DLG2: variants seen among roughly 807,000 people sequenced by gnomAD.
DLG2 encodes discs large MAGUK scaffold protein 2.
A neutral mutation model predicts 132.5 loss-of-function variants in DLG2; 45 were observed. The ratio of observed to expected loss-of-function variants is 0.34; its 90% confidence interval spans 0.27 to 0.44. The LOEUF (loss-of-function observed/expected upper bound fraction) is 0.44. DLG2 is among the 20% of genes least tolerant of loss of function. The pLI, the probability that DLG2 is intolerant of heterozygous loss-of-function variation, is 1.00. For missense variants in DLG2, 1,045 were observed against 1,196.9 expected (o/e 0.87, Z 1.87); for synonymous variants, 424 against 419.6 (o/e 1.01, Z -0.13).
At chr11:85,401,839 G>C (rs1205670774) in intron 3 of DLG2, among the ~76,000 whole-genome samples, 2 of 152,090 alleles carry the variant, frequency 1.3e-5, no homozygotes, top group East Asian at 3.9e-4. Context: ...TGAAATAAAA[G>C]AGGACACAAA....
intron 3 of DLG2, among the ~76,000 whole-genome samples, chr11:85,567,793 T>G (rs909192426): frequency 1.3e-5 from 2 of 152,088 alleles, no homozygotes; most frequent in Non-Finnish European, 2.9e-5. Flanking sequence ...GCTGAGGAAG[T>G]ATCTTTTTAG....
At chr11:83,471,803 T>C in intron 23 of DLG2, 76 bp from the exon 24 acceptor site, 3 of 1,188,114 alleles carry the variant, frequency 2.5e-6, no homozygotes, top group Non-Finnish European at 3.7e-6. Context: ...GCAAGGGTGA[T>C]TCTTAATTGC....
At chr11:85,590,100 T>C (rs537936970) in intron 3 of DLG2, among the ~76,000 whole-genome samples, 51 of 152,316 alleles carry the variant, frequency 3.3e-4, no homozygotes, top group African/African-American at 1.2e-3. Flanking sequence ...TAGTAGACAA[T>C]GAGCTCCATG....
At chr11:85,282,146 C>G (rs1308141280) in intron 4 of DLG2, among the ~76,000 whole-genome samples, 1 of 151,380 alleles carries the variant, frequency 6.6e-6, no homozygotes, top group African/African-American at 2.4e-5. Context: ...TATATGGAAG[C>G]TAAAAAAAAT....
At chr11:84,156,088 A>G (rs2095422764) in intron 9 of DLG2, among the ~76,000 whole-genome samples, 1 of 152,182 alleles carries the variant, frequency 6.6e-6, no homozygotes, top group African/African-American at 2.4e-5. Flanking sequence ...CGATAGAAGA[A>G]TATATGTGGT....
chr11:85,009,601 CT>C (rs1159843049), intron 6 of DLG2, among the ~76,000 whole-genome samples: 9 of 152,098 alleles, frequency 5.9e-5, no homozygotes, highest in East Asian at 5.8e-4. Flanking sequence ...AATGTAGAAA[CT>C]TTTTTTCTGT....
rs2093620568 is a variant in DLG2, at chr11:84,116,091, G to C, written c.625-17044C>G. Among the ~76,000 whole-genome samples, 5 of 152,178 alleles carry C rather than the reference G, an allele frequency of 3.3e-5. No individual in the cohort carries two copies. The South Asian group carries it at 1.0e-3, about 32-fold the overall frequency. Reference sequence around the variant, plus strand: ...ATATGTCCACCAAATTCGTGTGTTGGAAACTTAATCCGCAGTGCAAGAGCA... The same window carrying C: ...ATATGTCCACCAAATTCGTGTGTTGCAAACTTAATCCGCAGTGCAAGAGCA... On this transcript the variant is annotated intron_variant, in intron 9 of 27. Coordinates refer to ENST00000376104, the MANE Select transcript of DLG2 (RefSeq NM_001142699.3).
At chr11:85,287,831 A>G (rs1463563365) in intron 3 of DLG2, among the ~76,000 whole-genome samples, 1 of 152,154 alleles carries the variant, frequency 6.6e-6, no homozygotes, top group Admixed American at 6.6e-5. Flanking sequence ...ATATCATGAA[A>G]CTATATATCT....
chr11:84,629,528 T>C (rs1454203909), intron 6 of DLG2, among the ~76,000 whole-genome samples: 7 of 152,204 alleles, frequency 4.6e-5, no homozygotes, highest in African/African-American at 1.7e-4. Context: ...CAGAAATGCC[T>C]AGGAAATGTT....
At chr11:83,843,559 G>C (rs571566610) in intron 16 of DLG2, among the ~76,000 whole-genome samples, 2 of 152,210 alleles carry the variant, frequency 1.3e-5, no homozygotes, top group Admixed American at 1.3e-4. Context: ...TTTTGGAAGC[G>C]GGTACAGGCT....
intron 6 of DLG2, 32 bp from the exon 7 acceptor site, chr11:84,534,763 T>C (rs774003284): frequency 2.1e-5 from 33 of 1,607,262 alleles, no homozygotes; most frequent in Non-Finnish European, 2.7e-5. Flanking sequence ...GACAAGTATG[T>C]ATATATCAGT....
intron 3 of DLG2, among the ~76,000 whole-genome samples, chr11:85,373,458 C>A (rs1265598913): frequency 6.6e-6 from 1 of 152,108 alleles, no homozygotes; most frequent in Non-Finnish European, 1.5e-5. Flanking sequence ...CAGTCTTCAT[C>A]CTTATCCTTA....
intron 6 of DLG2, among the ~76,000 whole-genome samples, chr11:84,758,059 CT>C (rs2067129594): frequency 6.6e-6 from 1 of 152,256 alleles, no homozygotes; most frequent in Non-Finnish European, 1.5e-5. Flanking sequence ...TACTTTACAA[CT>C]GGTTATCACT....
chr11:84,007,337 G>C (rs2094619188), intron 11 of DLG2, among the ~76,000 whole-genome samples: 1 of 151,630 alleles, frequency 6.6e-6, no homozygotes, highest in Non-Finnish European at 1.5e-5. Context: ...ATTATATTAT[G>C]TGACAAGTGT....
At chr11:84,814,473 C>T (rs191529788) in intron 6 of DLG2, among the ~76,000 whole-genome samples, 3 of 152,034 alleles carry the variant, frequency 2.0e-5, no homozygotes, top group African/African-American at 4.8e-5. Context: ...TAGGGCATGG[C>T]TCCCCACTGC....
intron 8 of DLG2, among the ~76,000 whole-genome samples, chr11:84,170,871 A>T (rs1296668794): frequency 1.3e-5 from 2 of 152,042 alleles, no homozygotes; most frequent in Non-Finnish European, 2.9e-5. Context: ...GCACCTGACC[A>T]ATTGTTACTG....
intron 6 of DLG2, among the ~76,000 whole-genome samples, chr11:84,781,637 C>T (rs1305117778): frequency 6.6e-6 from 1 of 152,048 alleles, no homozygotes; most frequent in Non-Finnish European, 1.5e-5. Context: ...TGTTATTGCT[C>T]CTCTTTAGGA....
At chr11:83,644,227 T>C (rs1265470311) in intron 18 of DLG2, among the ~76,000 whole-genome samples, 2 of 152,148 alleles carry the variant, frequency 1.3e-5, no homozygotes, top group Admixed American at 6.6e-5. Context: ...ACATTGCAGG[T>C]ACCTGACATA....
At chr11:84,465,283 C>G (rs1183171670) in intron 7 of DLG2, among the ~76,000 whole-genome samples, 1 of 151,098 alleles carries the variant, frequency 6.6e-6, no homozygotes, top group Non-Finnish European at 1.5e-5. Context: ...AAGTGTTTAA[C>G]CGGGAAAGTT....
Sources: allele counts gnomAD v4.1 joint callset (sites outside exome capture counted in the v4.1 genomes callset), GRCh38; gene constraint gnomAD v4.1.1; transcripts MANE v1.5; gene names NCBI Gene and HGNC (gene_info 2026-07-23, HGNC 2026-07-21).